The following PDE4D variants were observed in gnomAD, a reference collection of about 807,000 sequenced individuals.
The protein encoded by PDE4D is 3',5'-cyclic-AMP phosphodiesterase 4D.
A neutral mutation model predicts 87.4 loss-of-function variants in PDE4D; 24 were observed. That is an observed-to-expected ratio of 0.27 (90% CI 0.20 to 0.39). The LOEUF is 0.39. Ranked by LOEUF, PDE4D falls within the 10% of genes least tolerant of loss-of-function variation. PDE4D has a pLI of 1.00. For synonymous variants in PDE4D, 384 were observed against 383.2 expected, an observed-to-expected ratio of 1.00 and a Z score of -0.02; for missense variants, 714 against 1,041.0, an observed-to-expected ratio of 0.69 and a Z score of 4.32.
chr5:59,477,353 T>TA (rs35047246), intron 1 of PDE4D, among the ~76,000 whole-genome samples: 4,309 of 88,260 alleles, frequency 0.049, 91 homozygotes, highest in South Asian at 0.14. Flanking sequence ...TAGAGTATAA[T>TA]AAAAAAAAAA....
chr5:59,768,133 C>T, intron 1 of PDE4D: 2 of 1,303,382 alleles, frequency 1.5e-6, no homozygotes, highest in African/African-American at 1.5e-5. Flanking sequence ...GCCATAAATC[C>T]CCGGTGAGGA....
chr5:59,260,665 C>T (rs939732801), intron 1 of PDE4D, among the ~76,000 whole-genome samples: 6 of 151,410 alleles, frequency 4.0e-5, no homozygotes, highest in Non-Finnish European at 7.4e-5. Flanking sequence ...CAGGAAATTA[C>T]TAACAATTTA....
At chr5:60,200,448 C>A (rs1039996484) in intron 1 of PDE4D, among the ~76,000 whole-genome samples, 1 of 149,854 alleles carries the variant, frequency 6.7e-6, no homozygotes. Context: ...ATTCTAATCC[C>A]GAAATGAATT....
chr5:59,599,805 G>A (rs933845939), intron 1 of PDE4D, among the ~76,000 whole-genome samples: 3 of 152,164 alleles, frequency 2.0e-5, no homozygotes, highest in African/African-American at 7.2e-5. Context: ...TGGCTATCCA[G>A]GCTGGCTAGC....
At chr5:59,409,335 A>T (rs1291207075) in intron 1 of PDE4D, among the ~76,000 whole-genome samples, 1 of 152,002 alleles carries the variant, frequency 6.6e-6, no homozygotes, top group Non-Finnish European at 1.5e-5. Context: ...ACTCTGGGAG[A>T]CTGTTGAGAA....
intron 6 of PDE4D, among the ~76,000 whole-genome samples, chr5:59,023,652 T>A (rs80031435): frequency 6.6e-6 from 1 of 152,064 alleles, no homozygotes; most frequent in South Asian, 2.1e-4. Context: ...TGAGAACTTG[T>A]CTCCAAAAAC....
chr5:59,720,422 G>T (rs1755663156), intron 1 of PDE4D, among the ~76,000 whole-genome samples: 1 of 152,114 alleles, frequency 6.6e-6, no homozygotes, highest in African/African-American at 2.4e-5. Flanking sequence ...GGTATTATAG[G>T]TATGAGCCAA....
chr5:60,335,481 A>T (rs141805146), intron 1 of PDE4D, among the ~76,000 whole-genome samples: 1 of 152,196 alleles, frequency 6.6e-6, no homozygotes, highest in African/African-American at 2.4e-5. Flanking sequence ...CTTGAGAAAG[A>T]CACTCTTGAG....
chr5:59,632,432 CT>C (rs1561366738), intron 1 of PDE4D, among the ~76,000 whole-genome samples: 2 of 152,354 alleles, frequency 1.3e-5, no homozygotes, highest in South Asian at 2.1e-4. Context: ...CCCCTGACCC[CT>C]GTGCCTCCCG....
chr5:60,446,539 C>T (rs1214247052), intron 1 of PDE4D, among the ~76,000 whole-genome samples: 6 of 152,130 alleles, frequency 3.9e-5, no homozygotes, highest in Admixed American at 1.3e-4. Flanking sequence ...CCACCCCATA[C>T]TACCTACCAT....
intron 6 of PDE4D, among the ~76,000 whole-genome samples, chr5:59,010,355 G>A (rs1752531795): frequency 6.6e-6 from 1 of 151,872 alleles, no homozygotes; most frequent in Admixed American, 6.5e-5. Flanking sequence ...GCCTTTAGGT[G>A]ATAAAATAAT....
At chr5:59,708,106 C>T (rs1246499586) in intron 1 of PDE4D, among the ~76,000 whole-genome samples, 7 of 152,168 alleles carry the variant, frequency 4.6e-5, no homozygotes, top group Admixed American at 4.6e-4. Context: ...TTCTCCACAA[C>T]CTCACCAGCA....
chr5:59,829,677 T>C (rs1156520812), intron 1 of PDE4D, among the ~76,000 whole-genome samples: 2 of 152,094 alleles, frequency 1.3e-5, no homozygotes, highest in African/African-American at 4.8e-5. Context: ...TGTCAGTGCC[T>C]ATGTTAAGGC....
At chr5:59,884,560 T>C (rs1749896825) in intron 1 of PDE4D, among the ~76,000 whole-genome samples, 1 of 152,032 alleles carries the variant, frequency 6.6e-6, no homozygotes, top group African/African-American at 2.4e-5. Flanking sequence ...TGAAAGATAT[T>C]TGGGTGGTTT....
At chr5:59,284,927 T>C (rs1766593046) in intron 1 of PDE4D, among the ~76,000 whole-genome samples, 1 of 48,910 alleles carries the variant, frequency 2.0e-5, no homozygotes, top group Admixed American at 2.6e-4. Context: ...ATGGATGAAA[T>C]TGGAAACCAT....
intron 1 of PDE4D, among the ~76,000 whole-genome samples, chr5:59,412,716 T>C (rs1391069868): frequency 6.6e-6 from 1 of 152,238 alleles, no homozygotes; most frequent in Non-Finnish European, 1.5e-5. Flanking sequence ...AGAATGAGTA[T>C]AAAGCAAAAA....
chr5:59,707,041 G>A (rs1310921900), intron 1 of PDE4D, among the ~76,000 whole-genome samples: 1 of 152,168 alleles, frequency 6.6e-6, no homozygotes, highest in Non-Finnish European at 1.5e-5. Context: ...CTTAATGCAT[G>A]AAGTAACCTC....
At chr5:59,556,096 A>G (rs1423362747) in intron 1 of PDE4D, among the ~76,000 whole-genome samples, 1 of 152,070 alleles carries the variant, frequency 6.6e-6, no homozygotes, top group Non-Finnish European at 1.5e-5. Flanking sequence ...GTTAACATTA[A>G]AAAATAAGCT....
At chr5:59,327,536 G>T (rs1433233053) in intron 1 of PDE4D, among the ~76,000 whole-genome samples, 1 of 152,072 alleles carries the variant, frequency 6.6e-6, no homozygotes, top group Admixed American at 6.6e-5. Flanking sequence ...GCCCAAAAAT[G>T]AAAAAATTGA....
Sources: gnomAD v4.1 joint callset for allele counts (sites outside exome capture counted in the v4.1 genomes callset) on GRCh38, gnomAD v4.1.1 for gene constraint, MANE v1.5 for transcripts, NCBI Gene and HGNC (gene_info 2026-07-23, HGNC 2026-07-21) for gene names.